The following ARMC9 variants were observed in gnomAD, a reference collection of about 807,000 sequenced individuals.
ARMC9 encodes the protein armadillo repeat containing 9, also known as lisH domain-containing protein ARMC9.
A neutral mutation model predicts 107.0 loss-of-function variants in ARMC9; 94 were observed. The ratio of observed to expected loss-of-function variants is 0.88; its 90% CI spans 0.74 to 1.04. The LOEUF (loss-of-function observed/expected upper bound fraction) is 1.04. Ranked by LOEUF, ARMC9 falls within the 50% of genes least tolerant of loss-of-function variation. The pLI is 0.00. For missense variants in ARMC9, 942 were observed against 1,030.1 expected (o/e 0.91, Z 1.17); for synonymous variants, 380 against 396.9 (o/e 0.96, Z 0.51).
intron 20 of ARMC9, among the ~76,000 whole-genome samples, chr2:231,336,239 G>A (rs2044080638): frequency 6.8e-6 from 1 of 147,980 alleles, no homozygotes; most frequent in African/African-American, 2.5e-5. Context: ...ATTTCATAGT[G>A]ACCTTTAACA....
intron 9 of ARMC9, among the ~76,000 whole-genome samples, chr2:231,253,368 G>T (rs1350139809): frequency 6.6e-6 from 1 of 152,108 alleles, no homozygotes; most frequent in Non-Finnish European, 1.5e-5. Context: ...GCCTGCCTCG[G>T]CCTCCCAAAG....
intron 9 of ARMC9, among the ~76,000 whole-genome samples, chr2:231,243,872 A>G (rs1014431980): frequency 1.3e-5 from 2 of 152,244 alleles, no homozygotes; most frequent in Admixed American, 1.3e-4. Flanking sequence ...TGCAATGTCC[A>G]GTGACTGGAC....
intron 8 of ARMC9, among the ~76,000 whole-genome samples, chr2:231,238,411 G>A (rs1487034948): frequency 2.0e-5 from 3 of 152,206 alleles, no homozygotes; most frequent in Non-Finnish European, 4.4e-5. Context: ...GTGCAGTGGT[G>A]CAATCTCAGC....
In ARMC9 at chr2:231,255,953, T is replaced by G. The variant is rs2037744790; in HGVS notation, c.880-633T>G. 1.4e-6 allele frequency: 1 copy of G among 723,428 alleles called. No homozygotes were observed. The highest frequency in any genetic ancestry group is 2.2e-6 in the Non-Finnish European group (1 of 453,330). The allele number at this position is 723,428 out of a possible 1,614,324, so 44.8% of individuals were successfully genotyped here. The stretch of plus-strand genomic sequence containing the variant: ...TACTCAGGAGGCTGAGGCAGGAGAA[T>G]GGCGTGAACCCGGTAGGCGGAGGTT... On this transcript the variant is annotated intron_variant, in intron 9 of 24. Coordinates refer to ENST00000611582, the MANE Select transcript of ARMC9 (RefSeq NM_001352754.2). The surrounding 1 kb of genome is among the most constrained non-coding windows in gnomAD (Gnocchi z 4.7).
At chr2:231,354,016 C>T (rs2045226343) in intron 21 of ARMC9, among the ~76,000 whole-genome samples, 1 of 148,388 alleles carries the variant, frequency 6.7e-6, no homozygotes, top group Non-Finnish European at 1.5e-5. Flanking sequence ...CACACACACA[C>T]CATATATAGA....
chr2:231,309,417 G>A (rs1382629474), intron 19 of ARMC9, among the ~76,000 whole-genome samples: 2 of 152,176 alleles, frequency 1.3e-5, no homozygotes, highest in Admixed American at 1.3e-4. Flanking sequence ...GGGAATAATA[G>A]TACATTTTAT....
At chr2:231,314,038 G>T (rs1207474438) in intron 19 of ARMC9, among the ~76,000 whole-genome samples, 6 of 150,566 alleles carry the variant, frequency 4.0e-5, no homozygotes, top group Admixed American at 6.6e-5. Context: ...GGGATTACAG[G>T]CATGAGCCAC....
At chr2:231,237,191 T>C (rs2035797199) in intron 8 of ARMC9, among the ~76,000 whole-genome samples, 1 of 152,050 alleles carries the variant, frequency 6.6e-6, no homozygotes, top group Non-Finnish European at 1.5e-5. Flanking sequence ...TGTGTGTGTG[T>C]GTGTGTGTGT....
At chr2:231,230,213 A>AT (rs2035076842) in intron 7 of ARMC9, among the ~76,000 whole-genome samples, 1 of 152,062 alleles carries the variant, frequency 6.6e-6, no homozygotes, top group Non-Finnish European at 1.5e-5. Context: ...ACTAAAAAAA[A>AT]TTAACCGAGC....
intron 10 of ARMC9, among the ~76,000 whole-genome samples, chr2:231,258,177 CTTTTTTTCT>C (rs1027199688): frequency 9.2e-5 from 14 of 152,068 alleles, no homozygotes; most frequent in African/African-American, 3.1e-4. Flanking sequence ...CCTAATTACT[CTTTTTTTCT>C]TTTTTTTCTT....
At chr2:231,302,935 C>A (rs183913254) in intron 19 of ARMC9, among the ~76,000 whole-genome samples, 1 of 152,088 alleles carries the variant, frequency 6.6e-6, no homozygotes, top group Non-Finnish European at 1.5e-5. Context: ...ACCCGGGATG[C>A]GGAGATTGCA....
At chr2:231,339,751 G>A (rs1314028933) in intron 20 of ARMC9, among the ~76,000 whole-genome samples, 1 of 152,256 alleles carries the variant, frequency 6.6e-6, no homozygotes, top group African/African-American at 2.4e-5. Context: ...GGCCAACACG[G>A]TGAAACCGTA....
At position 231,235,360 on chromosome 2, in the gene ARMC9, GGCCACAGTCA is replaced by G; in HGVS notation, c.762_771del (p.Thr255AlafsTer3). On this transcript the variant is annotated frameshift_variant, in exon 8 of 25. Transcript: ENST00000611582. LOFTEE classifies it high-confidence loss of function. ...CAGCAGAGCTGGTGGATTCTCTAGA[GGCCACAGTCA>G]GCGGCAAGATGGTAAGGAAGATCCC... 1.2e-6 allele frequency: 2 copies of G among 1,614,086 alleles called. No individual in the cohort carries two copies. Among genetic ancestry groups the G allele is most frequent in the Admixed American group, 3.3e-5 (2 of 59,994 alleles).
Position 231,278,405 on chromosome 2 carries a change from G to T in ARMC9, c.1498G>T (p.Ala500Ser). 1 of 1,614,104 alleles carries T rather than the reference G, an allele frequency of 6.2e-7. No individual in the cohort carries two copies. Among genetic ancestry groups the T allele is most frequent in the Non-Finnish European group, 8.5e-7 (1 of 1,179,986 alleles). The change falls in exon 16 of 25, where the codon GCA (alanine) becomes TCA (serine). Residue 500 changes from alanine to serine, a missense_variant. Coordinates refer to ENST00000611582, the MANE Select transcript of ARMC9 (RefSeq NM_001352754.2). ...STGKNMCAKV[A>S]GLVLKVLSDL... ...AGGGAAGAACATGTGTGCCAAGGTG[G>T]CAGGCCTCGTGCTCAAAGTCCTTTC...
intron 17 of ARMC9, among the ~76,000 whole-genome samples, chr2:231,284,402 A>G (rs1049818018): frequency 7.2e-5 from 11 of 152,254 alleles, no homozygotes; most frequent in Admixed American, 7.2e-4. Flanking sequence ...CAAACATTCA[A>G]GAGCAATAGC....
At chr2:231,202,319 C>CTTTTTT in intron 1 of ARMC9, among the ~76,000 whole-genome samples, 1 of 123,874 alleles carries the variant, frequency 8.1e-6, no homozygotes, top group Non-Finnish European at 1.7e-5. Context: ...TCTTGTTTCA[C>CTTTTTT]TTTTTTTTTT....
intron 19 of ARMC9, among the ~76,000 whole-genome samples, chr2:231,323,041 G>A (rs76485222): frequency 0.062 from 9,434 of 152,156 alleles, 619 homozygotes; most frequent in South Asian, 0.25. Context: ...TTCTTTCCCC[G>A]AGCAGGGCAC....
In ARMC9 at chr2:231,282,159, G is replaced by A. The variant is rs3731773; in HGVS notation, c.1626+26G>A. 86,367 of 1,610,524 alleles carry A rather than the reference G, an allele frequency of 0.054. 8,387 individuals are homozygous for A. The highest frequency in any genetic ancestry group is 0.38 in the African/African-American group (28,619 of 74,854). On this transcript the variant is annotated intron_variant, in intron 17 of 24. Coordinates refer to ENST00000611582, the MANE Select transcript of ARMC9 (RefSeq NM_001352754.2). The stretch of plus-strand genomic sequence containing the variant: ...GTAAGAAAGCGTGCCTGAGAAACAT[G>A]TGAGCTTCCTTTAGTGCCACAGTTC...
rs2031482924 is a variant in ARMC9, at chr2:231,203,750, AG to A, written c.-41-2446del. ...CGAGGCAGGTGGATCACCTGAGGTC[AG>A]GAGTTCGAGACCAGCCTGGCCAACG... is the stretch of plus-strand genomic sequence containing the variant. On this transcript the variant is annotated intron_variant, in intron 1 of 24. Coordinates refer to ENST00000611582, the MANE Select transcript of ARMC9 (RefSeq NM_001352754.2). 2.0e-5 allele frequency among the ~76,000 whole-genome samples: 3 copies of A among 152,308 alleles called. No individual in the cohort carries two copies. The South Asian group carries it at 6.2e-4, about 32-fold the overall frequency.
Sources: allele counts gnomAD v4.1 joint callset (sites outside exome capture counted in the v4.1 genomes callset), GRCh38; gene constraint gnomAD v4.1.1; non-coding constraint Gnocchi (gnomAD v3.1); transcripts MANE v1.5; gene names NCBI Gene and HGNC (gene_info 2026-07-23, HGNC 2026-07-21).